Variants in LZTFL1 observed in about 807,000 individuals in gnomAD.
LZTFL1 encodes the protein leucine zipper transcription factor like 1.
Under a neutral mutation model 45.9 loss-of-function variants are expected in LZTFL1, and 25 were observed. That is an observed-to-expected ratio of 0.54 (90% confidence interval 0.40 to 0.76). The LOEUF (loss-of-function observed/expected upper bound fraction) is 0.76, where lower values mean the gene tolerates loss of function less well. Among genes scored for constraint, LZTFL1 ranks in the 30% least tolerant of loss-of-function variants. The probability of loss-of-function intolerance (pLI) is 0.00; values close to 1 mark genes in which losing one functional copy is unlikely to be tolerated. For missense variants in LZTFL1, 277 were observed against 331.1 expected (o/e 0.84, Z 1.27); for synonymous variants, 93 against 117.4 (o/e 0.79, Z 1.35).
chr3:45,870,077 T>C (rs891531966), intron 2 of LZTFL1, among the ~76,000 whole-genome samples: 8 of 152,246 alleles, frequency 5.3e-5, no homozygotes, highest in Non-Finnish European at 7.3e-5. Flanking sequence ...CTTGAAATGA[T>C]TTCTGCAGAG....
chr3:45,837,893 C>A, intron 2 of LZTFL1, 34 bp downstream of exon 2: 1 of 1,561,988 alleles, frequency 6.4e-7, no homozygotes, highest in South Asian at 1.2e-5. Flanking sequence ...AATCCATGTT[C>A]CTATTTGGTT....
chr3:45,867,412 C>T (rs188902307), intron 2 of LZTFL1, among the ~76,000 whole-genome samples: 9 of 152,222 alleles, frequency 5.9e-5, no homozygotes, highest in East Asian at 3.9e-4. Context: ...GCCAAATTCC[C>T]GCAATTCAAG....
At chr3:45,841,869 T>G (rs1701125894) in intron 1 of LZTFL1, 120 bp downstream of exon 1, 3 of 1,318,832 alleles carry the variant, frequency 2.3e-6, no homozygotes, top group Non-Finnish European at 3.2e-6. Context: ...TCAGGGAGGC[T>G]GAGGTGCGGC....
chr3:45,843,424 T>G (rs193182531), upstream of LZTFL1, among the ~76,000 whole-genome samples: 114 of 152,328 alleles, frequency 7.5e-4, no homozygotes, highest in Middle Eastern at 6.8e-3. Flanking sequence ...TTACAAGGTG[T>G]TGTGGGTGCG....
At chr3:45,834,429 C>T in intron 3 of LZTFL1, 131 bp from the exon 4 acceptor site, 1 of 557,194 alleles carries the variant, frequency 1.8e-6, no homozygotes, top group South Asian at 2.6e-5. Context: ...CAAACTTCAC[C>T]ATATCAAAAA....
chr3:45,829,182 C>A (rs1263457894), intron 7 of LZTFL1, among the ~76,000 whole-genome samples: 2 of 152,074 alleles, frequency 1.3e-5, no homozygotes, highest in Non-Finnish European at 2.9e-5. Context: ...ACAACTATAG[C>A]ATAAGACAGG....
chr3:45,879,832 T>C lies in LZTFL1; in HGVS notation c.-214-20816A>G, dbSNP rs185486171. On this transcript the variant is annotated intron_variant, in intron 2 of 4. Coordinates refer to the LZTFL1 transcript ENST00000472635. ...AAACTGCTCTAAAAAACAAAGCCTA[T>C]TTAAAAAACCCAACATTATTAACTG... 3.9e-5 allele frequency among the ~76,000 whole-genome samples: 6 copies of C among 152,296 alleles called. No individual in the cohort carries two copies. In the East Asian group the frequency reaches 1.2e-3, roughly 29 times the overall value.
At position 45,892,381 on chromosome 3, in the gene LZTFL1, TA is replaced by T. The variant is rs540252527; in HGVS notation, c.-215+20738del. On this transcript the variant is annotated intron_variant, in intron 2 of 4. Coordinates refer to the LZTFL1 transcript ENST00000472635. ...TACATCATGGAATACTACACAGCCA[TA>T]AAAAAGAACAAGATCCTGTCCTTTG... 4.5e-3 allele frequency among the ~76,000 whole-genome samples: 679 copies of T among 152,156 alleles called. 8 individuals carry two copies. Among genetic ancestry groups the T allele is most frequent in the African/African-American group, 0.016 (645 of 41,518 alleles).
intron 2 of LZTFL1, among the ~76,000 whole-genome samples, chr3:45,864,967 C>T (rs968809423): frequency 6.6e-6 from 1 of 152,170 alleles, no homozygotes; most frequent in African/African-American, 2.4e-5. Context: ...AGTACCAGAA[C>T]AAATGGTGGG....
chr3:45,836,925 A>AAC lies in LZTFL1; in HGVS notation c.128+1000_128+1001dup, dbSNP rs1343088974. ...CCAGTTTCAATGACAGTATCACAGT[A>AAC]ACACAGTCCTCTCCTCTCCCTACCT... is the stretch of plus-strand genomic sequence containing the variant. On this transcript the variant is annotated intron_variant, in intron 2 of 9. Coordinates refer to ENST00000296135, the MANE Select transcript of LZTFL1 (RefSeq NM_020347.4). Among the ~76,000 whole-genome samples the AAC allele has an allele frequency of 2.6e-5, 4 of 152,282 alleles. No individual in the cohort carries two copies. The East Asian group carries it at 7.7e-4, about 29-fold the overall frequency.
intron 4 of LZTFL1, among the ~76,000 whole-genome samples, chr3:45,848,782 G>C (rs1421959496): frequency 6.6e-6 from 1 of 152,088 alleles, no homozygotes; most frequent in African/African-American, 2.4e-5. Context: ...TTATATTTTT[G>C]TAATAGATTT....
chr3:45,902,937 G>A (rs1559428542), intron 2 of LZTFL1: 1 of 166,944 alleles, frequency 6.0e-6, no homozygotes, highest in Non-Finnish European at 1.5e-5. Flanking sequence ...CTCTATAGTG[G>A]CAACATTTTA....
intron 3 of LZTFL1, among the ~76,000 whole-genome samples, chr3:45,856,877 G>C (rs1238044171): frequency 4.6e-5 from 7 of 152,184 alleles, no homozygotes; most frequent in Non-Finnish European, 7.3e-5. Flanking sequence ...AACAACAGAT[G>C]CTGGCAAGGC....
intron 2 of LZTFL1, among the ~76,000 whole-genome samples, chr3:45,911,308 C>T (rs946139210): frequency 2.6e-5 from 4 of 152,222 alleles, no homozygotes; most frequent in Non-Finnish European, 4.4e-5. Context: ...CCCAATCACT[C>T]GGTCCCCCAA....
chr3:45,880,617 G>A (rs1701839716), intron 2 of LZTFL1, among the ~76,000 whole-genome samples: 1 of 152,178 alleles, frequency 6.6e-6, no homozygotes, highest in Non-Finnish European at 1.5e-5. Flanking sequence ...ACATGCTCGT[G>A]CCCCTCCAAA....
chr3:45,877,497 G>T (rs551637961), intron 2 of LZTFL1, among the ~76,000 whole-genome samples: 36 of 152,214 alleles, frequency 2.4e-4, no homozygotes, highest in African/African-American at 7.0e-4. Flanking sequence ...GCCCCCCAAA[G>T]TGTTGGGTTT....
At chr3:45,832,175 C>G (rs1203374980) in intron 5 of LZTFL1, among the ~76,000 whole-genome samples, 1 of 151,942 alleles carries the variant, frequency 6.6e-6, no homozygotes, top group Non-Finnish European at 1.5e-5. Flanking sequence ...GAGCCTAGAT[C>G]ACGCCACCGC....
chr3:45,826,316 A>T lies in LZTFL1; in HGVS notation c.898T>A (p.Ter300LysextTer2). The T allele has an allele frequency of 6.2e-7, 1 of 1,612,592 alleles. No homozygotes were observed. Among genetic ancestry groups the T allele is most frequent in the Non-Finnish European group, 8.5e-7 (1 of 1,178,778 alleles). The change falls in exon 10 of 10, where the codon TAA (stop) becomes AAA (lysine). Residue 300 changes from the stop codon to lysine, a stop_lost. Coordinates refer to ENST00000296135, the MANE Select transcript of LZTFL1 (RefSeq NM_020347.4). ...GCTTCCAGAGGAAATCTTCAGTTTTAATCTTCAGGTTCATATCTGGAGATA... is the reference window on the plus strand; with the variant it reads ...GCTTCCAGAGGAAATCTTCAGTTTTTATCTTCAGGTTCATATCTGGAGATA... ...KRLAQYEPED[*>K]
rs2125671793 is a variant in LZTFL1, at chr3:45,824,774, T to C, written c.*1540A>G. On this transcript the variant is annotated 3_prime_UTR_variant, in exon 10 of 10. Coordinates refer to ENST00000296135, the MANE Select transcript of LZTFL1 (RefSeq NM_020347.4). The stretch of plus-strand genomic sequence containing the variant: ...GGTCCACAGACAATGGAATGGATTT[T>C]TGGAGAGAGTGTCAATTTAGGGCTA... The C allele has an allele frequency of 5.0e-6, 2 of 398,232 alleles. No individual in the cohort carries two copies. Among genetic ancestry groups the C allele is most frequent in the Admixed American group, 4.4e-5 (1 of 22,736 alleles). The allele number at this position is 398,232 out of a possible 1,614,324, so 24.7% of individuals were successfully genotyped here.
Sources: allele counts gnomAD v4.1 joint callset (sites outside exome capture counted in the v4.1 genomes callset), GRCh38; gene constraint gnomAD v4.1.1; transcripts MANE v1.5; gene names NCBI Gene and HGNC (gene_info 2026-07-23, HGNC 2026-07-21).